The following TBC1D8 variants were observed in gnomAD, a reference collection of about 807,000 sequenced individuals.
TBC1D8 encodes the protein TBC1 domain family member 8.
Under a neutral mutation model 118.8 loss-of-function variants are expected in TBC1D8, and 65 were observed. That is an observed-to-expected ratio of 0.55 (90% CI 0.45 to 0.67). The LOEUF (loss-of-function observed/expected upper bound fraction) is 0.67, where lower values mean the gene tolerates loss of function less well. Ranked by LOEUF, TBC1D8 falls within the 30% of genes least tolerant of loss-of-function variation. The pLI, the probability that TBC1D8 is intolerant of heterozygous loss-of-function variation, is 0.00. For missense variants in TBC1D8, 1,376 were observed against 1,471.2 expected (o/e 0.94, Z 1.06); for synonymous variants, 566 against 595.8 (o/e 0.95, Z 0.73).
At chr2:101,133,959 C>T (rs1383193822) in intron 1 of TBC1D8, among the ~76,000 whole-genome samples, 1 of 152,090 alleles carries the variant, frequency 6.6e-6, no homozygotes. Context: ...ACCATCAGAT[C>T]TTGTGAGAAC....
At chr2:101,063,040 G>A (rs1188726086) in intron 2 of TBC1D8, among the ~76,000 whole-genome samples, 2 of 152,102 alleles carry the variant, frequency 1.3e-5, no homozygotes, top group Non-Finnish European at 2.9e-5. Flanking sequence ...CACTTACAGC[G>A]AGCTGTCTCC....
chr2:101,050,721 A>G, intron 4 of TBC1D8, 80 bp from the exon 5 acceptor site: 2 of 1,552,688 alleles, frequency 1.3e-6, no homozygotes, highest in South Asian at 2.4e-5. Flanking sequence ...CAACTATCCA[A>G]AGCTCTCCTT....
At position 101,035,979 on chromosome 2, in the gene TBC1D8, A is replaced by G. The variant is rs748576615; in HGVS notation, c.1603+39T>C. ...TCCGGGCTGTTCCTGTGTCCATGACAAAAAGAACAATTAGCTTCGAGACAC... is the reference window on the plus strand; with the variant it reads ...TCCGGGCTGTTCCTGTGTCCATGACGAAAAGAACAATTAGCTTCGAGACAC... On this transcript the variant is annotated intron_variant, in intron 9 of 19. Transcript: ENST00000409318. 1.1e-5 allele frequency: 17 copies of G among 1,609,818 alleles called. No homozygotes were observed. In the East Asian group the frequency reaches 1.1e-4, roughly 11 times the overall value.
At chr2:101,020,385 T>C (rs916091458) in intron 17 of TBC1D8, among the ~76,000 whole-genome samples, 38 of 152,122 alleles carry the variant, frequency 2.5e-4, no homozygotes, top group African/African-American at 6.5e-4. Context: ...TCTATGTTAA[T>C]AGAAAAACAT....
intron 1 of TBC1D8, among the ~76,000 whole-genome samples, chr2:101,124,106 T>C (rs1012292040): frequency 6.6e-6 from 1 of 152,134 alleles, no homozygotes; most frequent in Admixed American, 6.6e-5. Context: ...ACTGAAGCCA[T>C]AAACCCTCTG....
At chr2:101,094,152 A>G (rs935124951) in intron 1 of TBC1D8, among the ~76,000 whole-genome samples, 1 of 152,190 alleles carries the variant, frequency 6.6e-6, no homozygotes, top group African/African-American at 2.4e-5. Context: ...AAGAAGGAAG[A>G]GCACTGAGCT....
intron 5 of TBC1D8, among the ~76,000 whole-genome samples, chr2:101,041,020 C>T (rs114314773): frequency 0.016 from 2,436 of 152,266 alleles, 84 homozygotes; most frequent in African/African-American, 0.055. Context: ...CTTAAGAATC[C>T]AAGTTTCAAA....
At chr2:101,018,076 A>T (rs1679784417) in intron 17 of TBC1D8, 1 of 736,386 alleles carries the variant, frequency 1.4e-6, no homozygotes, top group Non-Finnish European at 2.2e-6. Context: ...ATCTAGGCTA[A>T]TGGGACTAGA....
intron 2 of TBC1D8, among the ~76,000 whole-genome samples, chr2:101,073,363 C>T (rs554716324): frequency 5.0e-4 from 75 of 149,352 alleles, no homozygotes; most frequent in African/African-American, 1.8e-3. Flanking sequence ...GCCACGATCT[C>T]GGCTCACTGC....
chr2:101,140,778 T>C (rs78649128), intron 1 of TBC1D8, among the ~76,000 whole-genome samples: 2 of 124,002 alleles, frequency 1.6e-5, no homozygotes, highest in Admixed American at 1.7e-4. Flanking sequence ...TTTTTTTTTT[T>C]TGAGACAGAG....
intron 1 of TBC1D8, among the ~76,000 whole-genome samples, chr2:101,130,384 T>C (rs1330167815): frequency 1.3e-5 from 2 of 152,246 alleles, no homozygotes; most frequent in East Asian, 3.9e-4. Flanking sequence ...AAGCTGTGCT[T>C]CCCCTCACCA....
At position 101,008,102 on chromosome 2, in the gene TBC1D8, GCTCCTCCCCACA is replaced by G; in HGVS notation, c.3175_3186del (p.Cys1059_Glu1062del). 1 of 1,613,876 alleles carries G rather than the reference GCTCCTCCCCACA, an allele frequency of 6.2e-7. No homozygotes were observed. The highest frequency in any genetic ancestry group is 8.5e-7 in the Non-Finnish European group (1 of 1,179,808). The stretch of plus-strand genomic sequence containing the variant: ...TCAGGAGAAGGAGCTGAAGCCCGCA[GCTCCTCCCCACA>G]CTCCTGGGAGCAGCTTCCAGAGCTG... On this transcript the variant is annotated inframe_deletion, in exon 20 of 20. Coordinates refer to ENST00000409318, the MANE Select transcript of TBC1D8 (RefSeq NM_001330348.2).
Position 101,091,949 on chromosome 2 carries a change from C to T in TBC1D8, c.128-1585G>A, listed in dbSNP as rs532564370. Among the ~76,000 whole-genome samples, 250 of 152,286 alleles carry T rather than the reference C, an allele frequency of 1.6e-3. 2 individuals are homozygous for T. Among genetic ancestry groups the T allele is most frequent in the African/African-American group, 5.5e-3 (230 of 41,552 alleles). On this transcript the variant is annotated intron_variant, in intron 1 of 19. Transcript: ENST00000409318. Reference sequence around the variant, plus strand: ...GGGGGCAAGTTACTTACATAACACCCCGTCATATATTTAGTACAAACACAG... The same window carrying T: ...GGGGGCAAGTTACTTACATAACACCTCGTCATATATTTAGTACAAACACAG...
intron 1 of TBC1D8, among the ~76,000 whole-genome samples, chr2:101,116,341 TCA>T (rs1287523568): frequency 6.6e-6 from 1 of 152,204 alleles, no homozygotes; most frequent in Non-Finnish European, 1.5e-5. Flanking sequence ...GTCACAATCC[TCA>T]CTCTGCTCTG....
At position 101,008,027 on chromosome 2, in the gene TBC1D8, A is replaced by T. The variant is rs1057580; in HGVS notation, c.3262T>A (p.Phe1088Ile). 32 of 1,613,972 alleles carry T rather than the reference A, an allele frequency of 2.0e-5. No individual in the cohort carries two copies. Among genetic ancestry groups the T allele is most frequent in the Non-Finnish European group, 2.6e-5 (31 of 1,179,894 alleles). ...CAGTCCCTTTCTGCCGCCTCTGGAA[A>T]TGCCTGGGAGTCCTGGGGCGTCTTC... ...TGKTPQDSQA[F>I]PEAAERDWTV... The change falls in exon 20 of 20, where the codon TTT (phenylalanine) becomes ATT (isoleucine). Residue 1088 changes from phenylalanine to isoleucine, a missense_variant. By Grantham distance (21) the Phe-to-Ile change is conservative. Coordinates refer to ENST00000409318, the MANE Select transcript of TBC1D8 (RefSeq NM_001330348.2).
chr2:101,032,446 C>T, intron 10 of TBC1D8, 61 bp from the exon 11 acceptor site: 6 of 1,438,964 alleles, frequency 4.2e-6, no homozygotes, highest in South Asian at 1.2e-5. Context: ...AGAGATGTTA[C>T]AAGCATCCAA....
Position 101,007,987 on chromosome 2 carries a change from TC to T in TBC1D8, c.3301del (p.Glu1101AsnfsTer4), listed in dbSNP as rs1558961798. 2 of 1,614,034 alleles carry T rather than the reference TC, an allele frequency of 1.2e-6. No homozygotes were observed. ...AAERDWTVSLEHILASLLTEQ... is the reference protein window; with the variant it reads ...AAERDWTVSLXHILASLLTEQ... ...AGTCAGAAGTGAAGCTAAAATATGT[TC>T]AAGGGAGACAGTCCAGTCCCTTTCT... On this transcript the variant is annotated frameshift_variant, in exon 20 of 20. Coordinates refer to ENST00000409318, the MANE Select transcript of TBC1D8 (RefSeq NM_001330348.2). LOFTEE classifies it high-confidence loss of function.
At chr2:101,055,918 G>T (rs925738608) in intron 3 of TBC1D8, among the ~76,000 whole-genome samples, 7 of 152,096 alleles carry the variant, frequency 4.6e-5, no homozygotes, top group Non-Finnish European at 8.8e-5. Context: ...AGGTTACAGT[G>T]CACTATGATG....
At chr2:101,012,189 C>G (rs1305125822) in intron 17 of TBC1D8, among the ~76,000 whole-genome samples, 2 of 152,198 alleles carry the variant, frequency 1.3e-5, no homozygotes, top group African/African-American at 4.8e-5. Flanking sequence ...CCATTTGACT[C>G]AGAAATCTCA....
Sources: allele counts gnomAD v4.1 joint callset (sites outside exome capture counted in the v4.1 genomes callset), GRCh38; gene constraint gnomAD v4.1.1; transcripts MANE v1.5; gene names NCBI Gene and HGNC (gene_info 2026-07-23, HGNC 2026-07-21).